The following DNM3 variants were observed in gnomAD, a reference collection of about 807,000 sequenced individuals.
DNM3 encodes dynamin-3.
In DNM3, 47 loss-of-function variants were observed where a neutral mutation model predicts 101.6. The observed-to-expected ratio is 0.46, with a 90% CI of 0.37 to 0.59. The LOEUF (loss-of-function observed/expected upper bound fraction) is 0.59. Ranked by LOEUF, DNM3 falls within the 20% of genes least tolerant of loss-of-function variation. The probability of loss-of-function intolerance (pLI) is 0.00; values close to 1 mark genes in which losing one functional copy is unlikely to be tolerated. For synonymous variants in DNM3, 385 were observed against 387.9 expected (o/e 0.99, Z 0.09); for missense variants, 849 against 1,085.7 (o/e 0.78, Z 3.06).
intron 10 of DNM3, among the ~76,000 whole-genome samples, chr1:172,055,223 G>A (rs1227298461): frequency 1.3e-5 from 2 of 151,964 alleles, no homozygotes; most frequent in Admixed American, 1.3e-4. Flanking sequence ...TGGATTCCTT[G>A]TTTATTTAGC....
intron 17 of DNM3, chr1:172,370,283 T>C (rs878938425): frequency 4.6e-5 from 7 of 152,080 alleles, no homozygotes; most frequent in Non-Finnish European, 7.4e-5. Flanking sequence ...ATTTTATTTC[T>C]TTGGGACACC....
intron 10 of DNM3, 118 bp downstream of exon 10, chr1:172,048,868 T>C: frequency 7.9e-7 from 1 of 1,271,266 alleles, no homozygotes; most frequent in Non-Finnish European, 1.1e-6. Flanking sequence ...TGTGTTTGCC[T>C]ACAGGGAATG....
intron 2 of DNM3, among the ~76,000 whole-genome samples, chr1:171,985,466 A>G (rs998295377): frequency 6.6e-6 from 1 of 152,218 alleles, no homozygotes; most frequent in Non-Finnish European, 1.5e-5. Flanking sequence ...GAGGGTAAGT[A>G]TAGAAGAACA....
chr1:171,946,487 G>A (rs1275529495), intron 2 of DNM3, among the ~76,000 whole-genome samples: 2 of 152,058 alleles, frequency 1.3e-5, no homozygotes, highest in East Asian at 3.9e-4. Context: ...GTGGTATTTG[G>A]GGAGACTGGG....
intron 20 of DNM3, among the ~76,000 whole-genome samples, chr1:172,404,654 T>G (rs893857951): frequency 1.3e-5 from 2 of 152,122 alleles, no homozygotes; most frequent in African/African-American, 2.4e-5. Flanking sequence ...TCACTCATTA[T>G]AGACCTACAT....
At chr1:171,977,114 A>T (rs1448630968) in intron 2 of DNM3, among the ~76,000 whole-genome samples, 3 of 152,226 alleles carry the variant, frequency 2.0e-5, no homozygotes, top group Non-Finnish European at 2.9e-5. Flanking sequence ...AATTATTCTT[A>T]AAAAACATTG....
intron 1 of DNM3, among the ~76,000 whole-genome samples, chr1:171,852,338 C>T (rs1432656639): frequency 6.6e-6 from 1 of 152,158 alleles, no homozygotes; most frequent in African/African-American, 2.4e-5. Context: ...GTAGATGATA[C>T]AACCAGTTAA....
intron 14 of DNM3, among the ~76,000 whole-genome samples, chr1:172,189,000 G>A (rs1246509343): frequency 6.6e-6 from 1 of 152,014 alleles, no homozygotes. Context: ...TGTGTTTTGT[G>A]TCTAAGTCTG....
intron 17 of DNM3, among the ~76,000 whole-genome samples, chr1:172,334,072 G>A (rs889855888): frequency 6.6e-6 from 1 of 152,174 alleles, no homozygotes; most frequent in Non-Finnish European, 1.5e-5. Context: ...GAAAGGATCA[G>A]CTTTTCGAAA....
intron 14 of DNM3, among the ~76,000 whole-genome samples, chr1:172,212,954 T>C (rs2060564061): frequency 6.6e-6 from 1 of 151,516 alleles, no homozygotes; most frequent in Non-Finnish European, 1.5e-5. Context: ...TAGTCAAACA[T>C]CTTTTTTTTG....
chr1:172,221,119 A>G (rs1440795504), intron 14 of DNM3, among the ~76,000 whole-genome samples: 1 of 152,092 alleles, frequency 6.6e-6, no homozygotes, highest in Non-Finnish European at 1.5e-5. Flanking sequence ...ATGGGAACTC[A>G]GACGCAGTAT....
chr1:171,896,244 C>A (rs1031742604), intron 1 of DNM3, among the ~76,000 whole-genome samples: 10 of 152,132 alleles, frequency 6.6e-5, no homozygotes, highest in African/African-American at 2.4e-4. Flanking sequence ...TGGCCATTTT[C>A]ACAATATTGA....
At chr1:172,367,678 T>TA in intron 17 of DNM3, among the ~76,000 whole-genome samples, 1 of 151,958 alleles carries the variant, frequency 6.6e-6, no homozygotes, top group East Asian at 1.9e-4. Flanking sequence ...AAGACCAAAC[T>TA]ATATGCCGCC....
intron 16 of DNM3, among the ~76,000 whole-genome samples, chr1:172,319,642 C>CA (rs1224821775): frequency 3.3e-5 from 5 of 152,212 alleles, no homozygotes; most frequent in Non-Finnish European, 7.3e-5. Context: ...TGCTCATCAT[C>CA]ACTGGCCATC....
chr1:171,893,626 C>G (rs1161418385), intron 1 of DNM3, among the ~76,000 whole-genome samples: 1 of 151,858 alleles, frequency 6.6e-6, no homozygotes, highest in East Asian at 1.9e-4. Flanking sequence ...ACTAATTAAA[C>G]AATTTTTTTG....
chr1:172,072,325 T>C (rs1157207032), intron 11 of DNM3, among the ~76,000 whole-genome samples: 1 of 152,234 alleles, frequency 6.6e-6, no homozygotes, highest in Non-Finnish European at 1.5e-5. Flanking sequence ...TGAATTTTTT[T>C]CATACAAGTA....
Position 172,410,777 on chromosome 1 carries a change from T to C in DNM3, c.*2936T>C. The C allele has an allele frequency of 1.0e-6, 1 of 985,302 alleles. No homozygotes were observed. 61.0% of individuals were successfully genotyped at this position (985,302 alleles called of 1,614,324 possible). ...ATTAATGAAACCAGTTCCTGTGATG[T>C]AACTGTAAGCCTTCTCGACTTAGAC... On this transcript the variant is annotated 3_prime_UTR_variant, in exon 21 of 21. Transcript: ENST00000627582.
At chr1:172,333,523 C>G (rs1343562327) in intron 17 of DNM3, among the ~76,000 whole-genome samples, 1 of 152,126 alleles carries the variant, frequency 6.6e-6, no homozygotes, top group Non-Finnish European at 1.5e-5. Context: ...TTTAAAGAAA[C>G]TATAAGCAAA....
At chr1:172,319,083 G>T (rs533878093) in intron 16 of DNM3, among the ~76,000 whole-genome samples, 1 of 151,942 alleles carries the variant, frequency 6.6e-6, no homozygotes. Flanking sequence ...AAATAACGCC[G>T]CATATCTACA....
Sources: gnomAD v4.1 joint callset for allele counts (sites outside exome capture counted in the v4.1 genomes callset) on GRCh38, gnomAD v4.1.1 for gene constraint, MANE v1.5 for transcripts, NCBI Gene and HGNC (gene_info 2026-07-23, HGNC 2026-07-21) for gene names.